TOR3A: variants seen among roughly 807,000 people sequenced by gnomAD.
TOR3A encodes the protein torsin-3A.
In TOR3A, 44 loss-of-function variants were observed where a neutral mutation model predicts 42.1. The observed-to-expected ratio is 1.04, with a 90% CI of 0.82 to 1.34. The LOEUF (loss-of-function observed/expected upper bound fraction) is 1.34. Ranked by LOEUF, TOR3A falls within the 40% of genes most tolerant of loss-of-function variation. The pLI is 0.00. For synonymous variants in TOR3A, 227 were observed against 213.2 expected (o/e 1.06, Z -0.57); for missense variants, 521 against 507.6 (o/e 1.03, Z -0.25).
Position 179,083,009 on chromosome 1 carries a change from A to T in TOR3A, c.329A>T (p.Asp110Val), listed in dbSNP as rs1473145570. ...ACCACGTGGTACTGCAGCTTCAAAG[A>T]CTGCTGCCCTAGAGGGGATTGCAGA... ...LLTTWYCSFK[D>V]CCPRGDCRIS... Residue 110 changes from aspartate to valine, a missense_variant, in exon 2 of 6, where the codon GAC becomes GTC. Physicochemically the swap from Asp to Val is radical, Grantham distance 152 (BLOSUM62 -3). Transcript: ENST00000367627. 2.5e-6 allele frequency: 4 copies of T among 1,585,770 alleles called. No homozygotes were observed. Among genetic ancestry groups the T allele is most frequent in the Non-Finnish European group, 3.4e-6 (4 of 1,167,048 alleles).
chr1:179,089,689 T>C (rs903039434), intron 4 of TOR3A, among the ~76,000 whole-genome samples: 5 of 152,126 alleles, frequency 3.3e-5, no homozygotes, highest in African/African-American at 1.2e-4. Flanking sequence ...TGCTCTGTGG[T>C]TTCTCCACCT....
chr1:179,085,601 C>T (rs1652410923), intron 2 of TOR3A, 27 bp from the exon 3 acceptor site: 1 of 1,607,754 alleles, frequency 6.2e-7, no homozygotes, highest in Non-Finnish European at 8.5e-7. Context: ...GTGCCTTTTG[C>T]TGTGACTACC....
chr1:179,094,175 C>A lies in TOR3A; in HGVS notation c.901C>A (p.His301Asn), dbSNP rs754121102. 1 of 1,614,110 alleles carries A rather than the reference C, an allele frequency of 6.2e-7. No individual in the cohort carries two copies. ...GTCCCGGGAAGAAATTACGATGGAACACCTGGAGCCCCACCTCCAGGCGGA... is the reference window on the plus strand; with the variant it reads ...GTCCCGGGAAGAAATTACGATGGAAAACCTGGAGCCCCACCTCCAGGCGGA... ...GWSREEITMEHLEPHLQAEIV... is the reference protein window; with the variant it reads ...GWSREEITMENLEPHLQAEIV... The change falls in exon 5 of 6, where the codon CAC becomes AAC. Residue 301 changes from histidine (H) to asparagine (N), a missense_variant. Coordinates refer to ENST00000367627, the MANE Select transcript of TOR3A (RefSeq NM_022371.4).
chr1:179,088,927 A>T (rs1442489069), intron 4 of TOR3A, among the ~76,000 whole-genome samples: 1 of 152,110 alleles, frequency 6.6e-6, no homozygotes, highest in African/African-American at 2.4e-5. Context: ...CTCCCTTCCC[A>T]ACTCCACTCC....
At chr1:179,090,530 C>G (rs1013928876) in intron 4 of TOR3A, among the ~76,000 whole-genome samples, 1 of 152,184 alleles carries the variant, frequency 6.6e-6, no homozygotes, top group African/African-American at 2.4e-5. Context: ...TCATACTGCA[C>G]GAAGGAAGAG....
chr1:179,091,761 T>G (rs1279046689), intron 4 of TOR3A: 1 of 152,518 alleles, frequency 6.6e-6, no homozygotes, highest in Non-Finnish European at 1.5e-5. Flanking sequence ...GGATCCTGCC[T>G]TCCAGCCCCT....
In TOR3A at chr1:179,082,281, G is replaced by A. The variant is rs1035018903; in HGVS notation, c.153G>A (p.Gln51=). 1 of 1,577,566 alleles carries A rather than the reference G, an allele frequency of 6.3e-7. No homozygotes were observed. Among genetic ancestry groups the A allele is most frequent in the African/African-American group, 1.4e-5 (1 of 71,548 alleles). ...AWPGFQRLQE[Q]LRAAGALSKR... ...CGGGCTTCCAGCGCCTGCAGGAGCA[G>A]CTCAGGGCGGCGGGTGCCCTCTCCA... Residue 51 remains glutamine (Q), a synonymous_variant, in exon 1 of 6, where the codon CAG becomes CAA. Coordinates refer to ENST00000367627, the MANE Select transcript of TOR3A (RefSeq NM_022371.4).
chr1:179,087,689 C>T (rs1652467764), intron 3 of TOR3A, among the ~76,000 whole-genome samples: 4 of 151,944 alleles, frequency 2.6e-5, no homozygotes, highest in Admixed American at 2.6e-4. Flanking sequence ...CCTTGTTTAG[C>T]TTTCAACCCT....
At chr1:179,085,993 A>G in intron 3 of TOR3A, 100 bp downstream of exon 3, 1 of 1,417,436 alleles carries the variant, frequency 7.1e-7, no homozygotes, top group African/African-American at 1.4e-5. Context: ...AAGCCTGGGG[A>G]GGTGGGGACA....
intron 3 of TOR3A, among the ~76,000 whole-genome samples, chr1:179,087,604 G>A (rs1188947172): frequency 6.6e-6 from 1 of 152,130 alleles, no homozygotes; most frequent in East Asian, 1.9e-4. Context: ...GCTGGAGCAG[G>A]GGCCCCTTCT....
Position 179,094,650 on chromosome 1 carries a change from G to A in TOR3A, c.944-318G>A, listed in dbSNP as rs528928790. Among the ~76,000 whole-genome samples, 14 of 152,244 alleles carry A rather than the reference G, an allele frequency of 9.2e-5. No homozygotes were observed. The South Asian group carries it at 2.3e-3, about 25-fold the overall frequency. On this transcript the variant is annotated intron_variant, in intron 5 of 5. Transcript: ENST00000367627. ...TCCCAACACTTTGGGAGGCTGAGGCGGGCGGATCACTTGAGTCCAGGAGAT... is the reference window on the plus strand; with the variant it reads ...TCCCAACACTTTGGGAGGCTGAGGCAGGCGGATCACTTGAGTCCAGGAGAT...
intron 4 of TOR3A, among the ~76,000 whole-genome samples, chr1:179,088,816 TG>T (rs760255165): frequency 6.6e-6 from 1 of 152,164 alleles, no homozygotes; most frequent in Non-Finnish European, 1.5e-5. Context: ...AGGCTCCAAC[TG>T]GGGGAGTCCT....
At chr1:179,084,827 G>A (rs1302931505) in intron 2 of TOR3A, among the ~76,000 whole-genome samples, 1 of 152,192 alleles carries the variant, frequency 6.6e-6, no homozygotes, top group Non-Finnish European at 1.5e-5. Flanking sequence ...TGTGGCTCCT[G>A]GTAGCGCCAT....
intron 4 of TOR3A, among the ~76,000 whole-genome samples, chr1:179,093,660 A>C (rs537320871): frequency 5.3e-5 from 8 of 152,198 alleles, no homozygotes; most frequent in African/African-American, 1.9e-4. Context: ...TTCCTTGCCA[A>C]GTGTCTGATG....
chr1:179,095,132 A>G lies in TOR3A; in HGVS notation c.1108A>G (p.Met370Val), dbSNP rs1329546648. The change falls in exon 6 of 6, where the codon ATG becomes GTG. Residue 370 changes from methionine (M) to valine (V), a missense_variant. Met to Val is a conservative substitution (Grantham distance 21). Transcript: ENST00000367627. ...GACACTGGATGAAATAGCCCAGATG[A>G]TGGTGTATGTCCCCAAGGAGGAACA... ...EETLDEIAQM[M>V]VYVPKEEQLF... is the part of the protein sequence containing the mutation. 1.2e-6 allele frequency: 2 copies of G among 1,614,156 alleles called. 1 individual carries two copies. The highest frequency in any genetic ancestry group is 3.3e-5 in the Admixed American group (2 of 60,022).
chr1:179,094,982 C>T lies in TOR3A; in HGVS notation c.958C>T (p.His320Tyr), dbSNP rs1189376276. ...CTTGCTTTCAGACAATGGCTTTGGCCACAGCCGTCTTGTGAAGGAAAACCT... is the reference window on the plus strand; with the variant it reads ...CTTGCTTTCAGACAATGGCTTTGGCTACAGCCGTCTTGTGAAGGAAAACCT... The part of the protein sequence containing the change: ...IVETIDNGFG[H>Y]SRLVKENLID... The change falls in exon 6 of 6, where the codon CAC becomes TAC. Residue 320 changes from histidine (H) to tyrosine (Y), a missense_variant. Physicochemically the swap from His to Tyr is moderately conservative, Grantham distance 83. Coordinates refer to ENST00000367627, the MANE Select transcript of TOR3A (RefSeq NM_022371.4). The T allele has an allele frequency of 1.2e-6, 2 of 1,614,180 alleles. No individual in the cohort carries two copies. Among genetic ancestry groups the T allele is most frequent in the African/African-American group, 1.3e-5 (1 of 75,046 alleles).
At chr1:179,090,112 G>C (rs545034062) in intron 4 of TOR3A, among the ~76,000 whole-genome samples, 2 of 109,798 alleles carry the variant, frequency 1.8e-5, no homozygotes, top group Admixed American at 8.2e-5. Context: ...TGGGCGGGGT[G>C]GGGGGGGGGG....
At chr1:179,093,358 G>A (rs1652646239) in intron 4 of TOR3A, among the ~76,000 whole-genome samples, 1 of 152,196 alleles carries the variant, frequency 6.6e-6, no homozygotes, top group African/African-American at 2.4e-5. Flanking sequence ...ACTCAAACGT[G>A]TGTAAAACCA....
Position 179,094,107 on chromosome 1 carries a change from A to G in TOR3A, c.833A>G (p.Asp278Gly). 1 of 1,613,770 alleles carries G rather than the reference A, an allele frequency of 6.2e-7. No individual in the cohort carries two copies. Among genetic ancestry groups the G allele is most frequent in the Non-Finnish European group, 8.5e-7 (1 of 1,179,876 alleles). ...GTCTCTTTCAGTAATCTCAGGGGCG[A>G]TATAATCAATGAGGTGGTCCTAAAG... ...IFLFLSNLRG[D>G]IINEVVLKLL... Residue 278 changes from aspartate to glycine, a missense_variant, in exon 5 of 6, where the codon GAT (aspartate) becomes GGT (glycine). Physicochemically the swap from Asp to Gly is moderately conservative, Grantham distance 94. Coordinates refer to ENST00000367627, the MANE Select transcript of TOR3A (RefSeq NM_022371.4).
Sources: gnomAD v4.1 joint callset for allele counts (sites outside exome capture counted in the v4.1 genomes callset) on GRCh38, gnomAD v4.1.1 for gene constraint, MANE v1.5 for transcripts, NCBI Gene and HGNC (gene_info 2026-07-23, HGNC 2026-07-21) for gene names.